COL13A1: variants seen among roughly 807,000 people sequenced by gnomAD.
COL13A1 encodes the protein collagen type XIII alpha 1 chain, also known as collagen alpha-1(XIII) chain.
Under a neutral mutation model 130.9 loss-of-function variants are expected in COL13A1, and 89 were observed. The observed-to-expected ratio is 0.68, with a 90% CI of 0.57 to 0.81. The LOEUF is 0.81. Ranked by LOEUF, COL13A1 falls within the 30% of genes least tolerant of loss-of-function variation. The probability of loss-of-function intolerance (pLI) is 0.00; values close to 1 mark genes in which losing one functional copy is unlikely to be tolerated. For missense variants in COL13A1, 879 were observed against 934.6 expected (o/e 0.94, Z 0.78); for synonymous variants, 402 against 341.6 (o/e 1.18, Z -1.95).
At chr10:69,923,044 G>A (rs1412730419) in intron 23 of COL13A1, among the ~76,000 whole-genome samples, 1 of 152,192 alleles carries the variant, frequency 6.6e-6, no homozygotes, top group African/African-American at 2.4e-5. Flanking sequence ...TGATTCAGAT[G>A]ACTCTGATGT....
intron 1 of COL13A1, among the ~76,000 whole-genome samples, chr10:69,811,366 G>A (rs1220949203): frequency 6.6e-6 from 1 of 152,220 alleles, no homozygotes; most frequent in Admixed American, 6.5e-5. Flanking sequence ...GCTCTGCGAA[G>A]GCACCTCTTT....
At chr10:69,811,344 C>T (rs1311694872) in intron 1 of COL13A1, among the ~76,000 whole-genome samples, 1 of 152,206 alleles carries the variant, frequency 6.6e-6, no homozygotes, top group South Asian at 2.1e-4. Flanking sequence ...TGCCCTCTGT[C>T]AGGCTGCAGA....
chr10:69,901,571 C>G (rs1162467960), intron 14 of COL13A1, among the ~76,000 whole-genome samples: 1 of 152,164 alleles, frequency 6.6e-6, no homozygotes, highest in East Asian at 1.9e-4. Context: ...CCTGCATCCC[C>G]CAGCCTCCAC....
chr10:69,896,014 C>G (rs551895589), intron 13 of COL13A1, among the ~76,000 whole-genome samples: 1 of 152,138 alleles, frequency 6.6e-6, no homozygotes, highest in East Asian at 1.9e-4. Context: ...GCAGCCTAGC[C>G]GTGGCCAAAA....
intron 2 of COL13A1, among the ~76,000 whole-genome samples, chr10:69,844,214 T>C (rs1341606163): frequency 6.6e-6 from 1 of 152,192 alleles, no homozygotes; most frequent in Non-Finnish European, 1.5e-5. Flanking sequence ...TGAAAAGTTA[T>C]CTGTGCTTGA....
Position 69,945,701 on chromosome 10 carries a change from C to G in COL13A1, c.1999C>G (p.Pro667Ala). ...CAAAGGAGACCCTGGGATGACAGGA[C>G]CAACGGGAGCAGCTGGGCTTCCTGT... The part of the protein sequence containing the change: ...GSKGDPGMTG[P>A]TGAAGLPGLH... The change falls in exon 37 of 41, where the codon CCA becomes GCA. Residue 667 changes from proline (P) to alanine (A), a missense_variant. Coordinates refer to ENST00000645393, the MANE Select transcript of COL13A1 (RefSeq NM_001368882.1). The G allele has an allele frequency of 6.2e-7, 1 of 1,612,996 alleles. No individual in the cohort carries two copies. Among genetic ancestry groups the G allele is most frequent in the Non-Finnish European group, 8.5e-7 (1 of 1,179,544 alleles).
intron 4 of COL13A1, among the ~76,000 whole-genome samples, chr10:69,874,752 T>C (rs531188931): frequency 6.6e-6 from 1 of 152,140 alleles, no homozygotes; most frequent in East Asian, 1.9e-4. Context: ...TGCCTTGAAG[T>C]TGCGTTTGAT....
chr10:69,808,020 C>T (rs916649875), intron 1 of COL13A1, among the ~76,000 whole-genome samples: 14 of 152,284 alleles, frequency 9.2e-5, no homozygotes, highest in East Asian at 5.8e-4. Context: ...GTGTTCAAGA[C>T]GAAAAGCTAT....
At chr10:69,892,513 C>T (rs573318408) in intron 10 of COL13A1, among the ~76,000 whole-genome samples, 7 of 152,320 alleles carry the variant, frequency 4.6e-5, no homozygotes. Flanking sequence ...GGCTGTAAAG[C>T]AAGGCCTGGA....
intron 34 of COL13A1, 23 bp from the exon 35 acceptor site, chr10:69,940,965 G>C (rs1216591741): frequency 3.7e-6 from 6 of 1,613,264 alleles, no homozygotes; most frequent in Non-Finnish European, 5.1e-6. Context: ...CCTTCTTTTG[G>C]TCAAACTGTG....
In COL13A1 at chr10:69,895,714, C is replaced by T. The variant is rs563930341; in HGVS notation, c.684+138C>T. 5 of 928,230 alleles carry T rather than the reference C, an allele frequency of 5.4e-6. No individual in the cohort carries two copies. In the African/African-American group the frequency reaches 8.2e-5, roughly 15 times the overall value. 57.5% of individuals were successfully genotyped at this position (928,230 alleles called of 1,614,324 possible). A position where few individuals can be genotyped will look rare whatever the true frequency, so the allele number is the denominator to read the frequency against. On this transcript the variant is annotated intron_variant, in intron 13 of 40. Transcript: ENST00000645393. Reference sequence around the variant, plus strand: ...AGGAGCACCCACTGCCCTCTGCACTCAGCAGTCAGAGAGGGGAGCTTGGGA... The same window carrying T: ...AGGAGCACCCACTGCCCTCTGCACTTAGCAGTCAGAGAGGGGAGCTTGGGA...
chr10:69,889,885 G>T (rs1299127934), intron 10 of COL13A1, among the ~76,000 whole-genome samples: 1 of 152,210 alleles, frequency 6.6e-6, no homozygotes, highest in Non-Finnish European at 1.5e-5. Context: ...GACTCCAGGG[G>T]TTCCTGCCCC....
In COL13A1 at chr10:69,927,192, C is replaced by A. The variant is rs1207058482; in HGVS notation, c.1422+82C>A. ...CAGCCTGGAAGCAAGGATTTGATTT[C>A]TCCCCTCCAGAAAGCAGGTACTGGG... On this transcript the variant is annotated intron_variant, in intron 27 of 40. Transcript: ENST00000645393. 4.4e-6 allele frequency: 7 copies of A among 1,594,936 alleles called. No homozygotes were observed. The African/African-American group carries it at 9.4e-5, about 21-fold the overall frequency.
intron 15 of COL13A1, 40 bp from the exon 16 acceptor site, chr10:69,904,893 C>G (rs980115041): frequency 6.5e-6 from 10 of 1,535,674 alleles, no homozygotes; most frequent in Middle Eastern, 1.7e-4. Flanking sequence ...CTCTACTCAC[C>G]TTTTCTTTTT....
intron 23 of COL13A1, 39 bp downstream of exon 23, chr10:69,922,833 C>G: frequency 7.1e-7 from 1 of 1,417,614 alleles, no homozygotes; most frequent in Non-Finnish European, 9.6e-7. Context: ...GAGGTGCTTA[C>G]CTGGGGACTT....
At position 69,930,469 on chromosome 10, in the gene COL13A1, C is replaced by T. The variant is rs372963944; in HGVS notation, c.1600C>T (p.Pro534Ser). The change falls in exon 30 of 41, where the codon CCA (proline) becomes TCA (serine). Residue 534 changes from proline (P) to serine (S), a missense_variant. Physicochemically the swap from Pro to Ser is moderately conservative, Grantham distance 74. Transcript: ENST00000645393. ...PQGPPGKDGPPGVKGENGHPG... is the reference protein window; with the variant it reads ...PQGPPGKDGPSGVKGENGHPG... The stretch of plus-strand genomic sequence containing the variant: ...AGGCCCCCCAGGAAAGGATGGACCT[C>T]CAGGAGTGAAGGGAGAAAACGGGCA... 34 of 1,613,610 alleles carry T rather than the reference C, an allele frequency of 2.1e-5. No individual in the cohort carries two copies. Among genetic ancestry groups the T allele is most frequent in the Non-Finnish European group, 2.7e-5 (32 of 1,179,752 alleles).
chr10:69,859,510 G>A (rs757682261), intron 2 of COL13A1, among the ~76,000 whole-genome samples: 8 of 152,378 alleles, frequency 5.3e-5, no homozygotes, highest in Middle Eastern at 6.8e-3. Flanking sequence ...ATGATGTGAC[G>A]TTTGAGCTTC....
chr10:69,827,322 G>T (rs536149621), intron 2 of COL13A1, among the ~76,000 whole-genome samples: 5 of 152,342 alleles, frequency 3.3e-5, no homozygotes, highest in African/African-American at 1.2e-4. Flanking sequence ...ATTTCATCCA[G>T]AGGGTGATTG....
rs774702557 is a variant in COL13A1 at position 69,917,324 on chromosome 10, T to C, written c.957T>C (p.His319=). The C allele has an allele frequency of 1.2e-6, 2 of 1,613,394 alleles. No homozygotes were observed. Among genetic ancestry groups the C allele is most frequent in the Non-Finnish European group, 1.7e-6 (2 of 1,179,704 alleles). ...GCATGCCAGGGATGCCAGGCAAGCATGGAGCCAAGGTACCTCCCCCTTCCC... is the reference window on the plus strand; with the variant it reads ...GCATGCCAGGGATGCCAGGCAAGCACGGAGCCAAGGTACCTCCCCCTTCCC... The part of the protein sequence containing the change: ...ERGMPGMPGK[H]GAKGAPGIAV... Residue 319 remains histidine, a synonymous_variant, in exon 18 of 41, where the codon CAT becomes CAC. Coordinates refer to ENST00000645393, the MANE Select transcript of COL13A1 (RefSeq NM_001368882.1).
Sources: allele counts gnomAD v4.1 joint callset (sites outside exome capture counted in the v4.1 genomes callset), GRCh38; gene constraint gnomAD v4.1.1; transcripts MANE v1.5; gene names NCBI Gene and HGNC (gene_info 2026-07-23, HGNC 2026-07-21).